TMEM164: variants seen among roughly 807,000 people sequenced by gnomAD.
TMEM164 encodes RP13-360B22.2.
TMEM164 carries 4 observed loss-of-function variants against 18.8 expected under a neutral mutation model. That is an observed-to-expected ratio of 0.21 (90% CI 0.10 to 0.49). The LOEUF is 0.49. Ranked by LOEUF, TMEM164 falls within the 20% of genes least tolerant of loss-of-function variation. The pLI is 0.98. For synonymous variants in TMEM164, 86 were observed against 101.7 expected, an observed-to-expected ratio of 0.85 and a Z score of 0.93; for missense variants, 108 against 239.9, an observed-to-expected ratio of 0.45 and a Z score of 3.63.
chrX:110,008,759 A>G (rs1223815807), intron 2 of TMEM164, among the ~76,000 whole-genome samples: 1 of 111,309 alleles, frequency 9.0e-6, no homozygotes, highest in Non-Finnish European at 1.9e-5. Flanking sequence ...ACCTTTTCCT[A>G]TCTCAGTCTT....
At chrX:110,104,411 G>A (rs1037238179) in intron 3 of TMEM164, among the ~76,000 whole-genome samples, 6 of 111,566 alleles carry the variant, frequency 5.4e-5, no homozygotes, top group Non-Finnish European at 9.4e-5. Flanking sequence ...TGTGGTTCTC[G>A]CATTTTTCAT....
rs192536611 is a variant in TMEM164, at chrX:110,134,606, G to A, written c.508-10192G>A. On this transcript the variant is annotated intron_variant, in intron 4 of 6. Transcript: ENST00000372068. Reference sequence around the variant, plus strand: ...AAAAAGGACCAGTGGCTGCCCCCCCGCTTAATTATGCCCCCCTGCCCTTTC... The same window carrying A: ...AAAAAGGACCAGTGGCTGCCCCCCCACTTAATTATGCCCCCCTGCCCTTTC... Among the ~76,000 whole-genome samples, 381 of 87,794 alleles carry A rather than the reference G, an allele frequency of 4.3e-3. 1 individual carries two copies. The highest frequency in any genetic ancestry group is 0.016 in the African/African-American group (347 of 21,808). 76.2% of individuals were successfully genotyped at this position (87,794 alleles called of 115,157 possible).
Position 110,117,506 on chromosome X carries a change from C to T in TMEM164, c.507+8360C>T, listed in dbSNP as rs756085046. Among the ~76,000 whole-genome samples the T allele has an allele frequency of 1.3e-4, 15 of 112,052 alleles. No individual in the cohort carries two copies. In the South Asian group the frequency reaches 2.6e-3, roughly 19 times the overall value. On this transcript the variant is annotated intron_variant, in intron 4 of 6. Transcript: ENST00000372068. ...CTAACACATAGAAATGATAAATACT[C>T]AAGGGCATGGATACCCCAAATACCC...
intron 2 of TMEM164, among the ~76,000 whole-genome samples, chrX:110,009,701 A>T (rs1177641960): frequency 3.6e-5 from 4 of 111,748 alleles, no homozygotes; most frequent in Non-Finnish European, 7.5e-5. Context: ...GTTCCTATTA[A>T]GAGAATCTTC....
chrX:110,105,455 C>T (rs1013498702), intron 3 of TMEM164, among the ~76,000 whole-genome samples: 1 of 108,970 alleles, frequency 9.2e-6, no homozygotes, highest in Non-Finnish European at 1.9e-5. Context: ...TTGTGGCAGG[C>T]TGGAGGGGGG....
At chrX:110,165,889 C>G (rs1168288027) in intron 5 of TMEM164, among the ~76,000 whole-genome samples, 2 of 112,742 alleles carry the variant, frequency 1.8e-5, no homozygotes, top group South Asian at 7.3e-4. Flanking sequence ...TCTTGTCCCT[C>G]TCCAGTCCAT....
intron 4 of TMEM164, among the ~76,000 whole-genome samples, chrX:110,117,301 T>G (rs1289093206): frequency 8.9e-6 from 1 of 112,725 alleles, no homozygotes; most frequent in Non-Finnish European, 1.9e-5. Flanking sequence ...AGATTGATTT[T>G]TAAGTATTCA....
At chrX:110,067,152 G>GCA (rs141772486) in intron 2 of TMEM164, among the ~76,000 whole-genome samples, 195 bp from the exon 3 acceptor site, 9 of 42,813 alleles carry the variant, frequency 2.1e-4, no homozygotes, top group South Asian at 6.3e-4. Context: ...TCTCATGTGT[G>GCA]CGCACACACA....
At chrX:110,182,113 G>A (rs2067326112), downstream of TMEM164, among the ~76,000 whole-genome samples, 1 of 110,669 alleles carries the variant, frequency 9.0e-6, no homozygotes, top group Non-Finnish European at 1.9e-5. Context: ...TTTTTCAGCA[G>A]TATATAAAAT....
chrX:110,147,135 A>G (rs950196525), intron 5 of TMEM164, among the ~76,000 whole-genome samples: 1 of 111,520 alleles, frequency 9.0e-6, no homozygotes, highest in Non-Finnish European at 1.9e-5. Context: ...TGCAGACCTT[A>G]TGCACTGTCA....
At chrX:110,151,547 G>T (rs1211868313) in intron 5 of TMEM164, among the ~76,000 whole-genome samples, 3 of 112,064 alleles carry the variant, frequency 2.7e-5, no homozygotes, top group African/African-American at 9.8e-5. Context: ...TTGGGAGACC[G>T]AGGTGGGTGG....
chrX:110,060,733 G>A (rs1473530516), intron 2 of TMEM164, among the ~76,000 whole-genome samples: 1 of 111,245 alleles, frequency 9.0e-6, no homozygotes, highest in Non-Finnish European at 1.9e-5. Flanking sequence ...CTTAGTCTTT[G>A]CCTTTCACAA....
chrX:110,016,897 T>G (rs966974739), intron 2 of TMEM164, among the ~76,000 whole-genome samples: 2 of 111,434 alleles, frequency 1.8e-5, no homozygotes, highest in Non-Finnish European at 3.8e-5. Context: ...GCTCAAGCGA[T>G]TCTTCTGCAT....
chrX:110,146,343 C>G (rs1027504243), intron 5 of TMEM164, among the ~76,000 whole-genome samples: 3 of 112,034 alleles, frequency 2.7e-5, no homozygotes, highest in African/African-American at 9.8e-5. Flanking sequence ...TTAGACTGGT[C>G]TGACATGGAA....
intron 3 of TMEM164, among the ~76,000 whole-genome samples, chrX:110,103,488 G>A (rs2147955589): frequency 9.0e-6 from 1 of 111,375 alleles, no homozygotes; most frequent in South Asian, 3.8e-4. Context: ...TCTGGCCCTG[G>A]GGCAATTAAG....
At chrX:110,037,902 A>G (rs1934888240) in intron 2 of TMEM164, among the ~76,000 whole-genome samples, 1 of 110,816 alleles carries the variant, frequency 9.0e-6, no homozygotes, top group Non-Finnish European at 1.9e-5. Flanking sequence ...TAGATTGCTT[A>G]TATTTCCATA....
intron 2 of TMEM164, among the ~76,000 whole-genome samples, chrX:110,017,983 T>A (rs1017624437): frequency 1.8e-5 from 2 of 112,281 alleles, no homozygotes; most frequent in African/African-American, 6.5e-5. Context: ...CATTACTTGC[T>A]GTTTGCCCTG....
At chrX:110,109,720 T>TC in intron 4 of TMEM164, among the ~76,000 whole-genome samples, 1 of 111,194 alleles carries the variant, frequency 9.0e-6, no homozygotes, top group Non-Finnish European at 1.9e-5. Flanking sequence ...TTAGATTCCT[T>TC]CCCCATCCAC....
chrX:110,078,395 T>G lies in TMEM164; in HGVS notation c.440+10999T>G, dbSNP rs764942754. On this transcript the variant is annotated intron_variant, in intron 3 of 6. Coordinates refer to ENST00000372068, the MANE Select transcript of TMEM164 (RefSeq NM_032227.4). ...GGCTTTCTTCGATTGAGTTTCAACT[T>G]TCTCTGGAGTCTCATTGAGCTTCTT... Among the ~76,000 whole-genome samples the G allele has an allele frequency of 7.4e-4, 83 of 112,293 alleles. 1 individual carries two copies. Among genetic ancestry groups the G allele is most frequent in the Non-Finnish European group, 8.4e-4 (45 of 53,262 alleles).
Sources: gnomAD v4.1 joint callset for allele counts (sites outside exome capture counted in the v4.1 genomes callset) on GRCh38, gnomAD v4.1.1 for gene constraint, MANE v1.5 for transcripts, NCBI Gene and HGNC (gene_info 2026-07-23, HGNC 2026-07-21) for gene names.